The following LYNX1 variants were observed in gnomAD, a reference collection of about 807,000 sequenced individuals.
LYNX1 encodes ly-6/neurotoxin-like protein 1.
A neutral mutation model predicts 8.3 loss-of-function variants in LYNX1; 8 were observed. The observed-to-expected ratio is 0.97, with a 90% CI of 0.57 to 1.74. The LOEUF is 1.74. Among genes scored for constraint, LYNX1 ranks in the 40% most tolerant of loss-of-function variants. LYNX1 has a pLI of 0.00. For missense variants in LYNX1, 158 were observed against 159.7 expected (o/e 0.99, Z 0.06); for synonymous variants, 73 against 67.9 (o/e 1.08, Z -0.37).
rs934639234 is a variant in LYNX1, at chr8:142,773,907, C to T, written c.*1260G>A. On this transcript the variant is annotated 3_prime_UTR_variant, in exon 4 of 4. Transcript: ENST00000652477. ...ACCGCTGGCACCAAAAGGTCTCACGCCCCCGAATGCCCCATTCACAGCAGG... is the reference window on the plus strand; with the variant it reads ...ACCGCTGGCACCAAAAGGTCTCACGTCCCCGAATGCCCCATTCACAGCAGG... 18 of 985,306 alleles carry T rather than the reference C, an allele frequency of 1.8e-5. No homozygotes were observed. In the East Asian group the frequency reaches 3.4e-4, roughly 19 times the overall value. 61.0% of individuals were successfully genotyped at this position (985,306 alleles called of 1,614,324 possible). A position where few individuals can be genotyped will look rare whatever the true frequency, so the allele number is the denominator to read the frequency against.
At chr8:142,776,294 A>G (rs900441066) in intron 1 of LYNX1, 173 bp from the exon 2 acceptor site, 23 of 363,082 alleles carry the variant, frequency 6.3e-5, no homozygotes, top group Non-Finnish European at 1.6e-5. Context: ...AGATCAGGAC[A>G]TTTCAATCAG....
chr8:142,774,339 G>GA lies in LYNX1; in HGVS notation c.*827dup. The GA allele has an allele frequency of 1.0e-6, 1 of 985,968 alleles. No individual in the cohort carries two copies. Among genetic ancestry groups the GA allele is most frequent in the Non-Finnish European group, 1.2e-6 (1 of 830,332 alleles). 61.1% of individuals were successfully genotyped at this position (985,968 alleles called of 1,614,324 possible). A position where few individuals can be genotyped will look rare whatever the true frequency, so the allele number is the denominator to read the frequency against. On this transcript the variant is annotated 3_prime_UTR_variant, in exon 4 of 4. Transcript: ENST00000652477. Reference sequence around the variant, plus strand: ...TGTGGTTGGGGACCAGGACTCGGGGGACCACCTGCTCTGCCCCTTTCCCTC... The same window carrying GA: ...TGTGGTTGGGGACCAGGACTCGGGGGAACCACCTGCTCTGCCCCTTTCCCTC...
At position 142,771,210 on chromosome 8, in the gene LYNX1, T is replaced by C. The variant is rs587768691; in HGVS notation, c.*3957A>G. ...GAGAGAAGCGCAGACAATGCGAATC[T>C]GTTGATTTATTTACGGCTCGGTGAG... is the stretch of plus-strand genomic sequence containing the variant. On this transcript the variant is annotated 3_prime_UTR_variant, in exon 4 of 4. Transcript: ENST00000652477. 3 of 985,450 alleles carry C rather than the reference T, an allele frequency of 3.0e-6. No homozygotes were observed. The highest frequency in any genetic ancestry group is 4.7e-5 in the South Asian group (1 of 21,286). The allele number at this position is 985,450 out of a possible 1,614,324, so 61.0% of individuals were successfully genotyped here.
In LYNX1 at chr8:142,771,473, G is replaced by A. The variant is rs139780118; in HGVS notation, c.*3694C>T. The A allele has an allele frequency of 1.8e-3, 1,763 of 985,350 alleles. 1 individual carries two copies. Among genetic ancestry groups the A allele is most frequent in the Non-Finnish European group, 1.9e-3 (1,566 of 829,938 alleles). The allele number at this position is 985,350 out of a possible 1,614,324, so 61.0% of individuals were successfully genotyped here. A position where few individuals can be genotyped will look rare whatever the true frequency, so the allele number is the denominator to read the frequency against. ...CGGAAGCTGGCAGGGCTGTCCACAG[G>A]GAGGACCCCCGTGTGTCTCTCGGGC... On this transcript the variant is annotated 3_prime_UTR_variant, in exon 4 of 4. Transcript: ENST00000652477.
Position 142,774,145 on chromosome 8 carries a change from G to GCCCGGGCCCCCCC in LYNX1, c.*1021_*1022insGGGGGGGCCCGGG. 19 of 981,832 alleles carry GCCCGGGCCCCCCC rather than the reference G, an allele frequency of 1.9e-5. No individual in the cohort carries two copies. Among genetic ancestry groups the GCCCGGGCCCCCCC allele is most frequent in the Non-Finnish European group, 2.3e-5 (19 of 827,970 alleles). 60.8% of individuals were successfully genotyped at this position (981,832 alleles called of 1,614,324 possible). A position where few individuals can be genotyped will look rare whatever the true frequency, so the allele number is the denominator to read the frequency against. ...GCTGCGGGGGAGGGGCTGGGTCTCC[G>GCCCGGGCCCCCCC]CCCTCCCCACCCCACCCTCCCCACT... is the stretch of plus-strand genomic sequence containing the variant. On this transcript the variant is annotated 3_prime_UTR_variant, in exon 4 of 4. Coordinates refer to ENST00000652477, the MANE Select transcript of LYNX1 (RefSeq NM_177477.4).
In LYNX1 at chr8:142,775,069, C is replaced by G; in HGVS notation, c.*98G>C. On this transcript the variant is annotated 3_prime_UTR_variant, in exon 4 of 4. Transcript: ENST00000652477. Reference sequence around the variant, plus strand: ...TGACCCTGGGCATGGCTGAGGAGGTCGCAGGGAGTGTGGAGGGTGAGGCAG... The same window carrying G: ...TGACCCTGGGCATGGCTGAGGAGGTGGCAGGGAGTGTGGAGGGTGAGGCAG... 9 of 1,493,812 alleles carry G rather than the reference C, an allele frequency of 6.0e-6. No homozygotes were observed. The highest frequency in any genetic ancestry group is 8.0e-6 in the Non-Finnish European group (9 of 1,123,550). 92.5% of individuals were successfully genotyped at this position (1,493,812 alleles called of 1,614,324 possible). A position where few individuals can be genotyped will look rare whatever the true frequency, so the allele number is the denominator to read the frequency against.
rs1815221695 is a variant in LYNX1, at chr8:142,772,436, C to G, written c.*2731G>C. ...CCTTTTAAGCTTTCCATTTTGTAAA[C>G]TCACCTCCCCCTTCCCAGGCTTGGG... On this transcript the variant is annotated 3_prime_UTR_variant, in exon 4 of 4. Transcript: ENST00000652477. 1.0e-6 allele frequency: 1 copy of G among 985,398 alleles called. No homozygotes were observed. Among genetic ancestry groups the G allele is most frequent in the African/African-American group, 1.7e-5 (1 of 57,250 alleles). The allele number at this position is 985,398 out of a possible 1,614,324, so 61.0% of individuals were successfully genotyped here.
chr8:142,772,685 T>C lies in LYNX1; in HGVS notation c.*2482A>G. The stretch of plus-strand genomic sequence containing the variant: ...CCACGTCCATCGCCACCTTGATGCA[T>C]ACAACCCGGACAAGTTTACTGCTGT... On this transcript the variant is annotated 3_prime_UTR_variant, in exon 4 of 4. Coordinates refer to ENST00000652477, the MANE Select transcript of LYNX1 (RefSeq NM_177477.4). The C allele has an allele frequency of 1.0e-6, 1 of 985,636 alleles. No homozygotes were observed. The highest frequency in any genetic ancestry group is 1.2e-6 in the Non-Finnish European group (1 of 830,078). The allele number at this position is 985,636 out of a possible 1,614,324, so 61.1% of individuals were successfully genotyped here.
Position 142,771,582 on chromosome 8 carries a change from C to T in LYNX1, c.*3585G>A. On this transcript the variant is annotated 3_prime_UTR_variant, in exon 4 of 4. Transcript: ENST00000652477. ...CCAGAGGGAAGGAGATCCTGAGGGG[C>T]TGGCAGATTCAGGCCCTCCCTGCGA... is the stretch of plus-strand genomic sequence containing the variant. 1 of 985,604 alleles carries T rather than the reference C, an allele frequency of 1.0e-6. No homozygotes were observed. The highest frequency in any genetic ancestry group is 1.2e-6 in the Non-Finnish European group (1 of 829,972). The allele number at this position is 985,604 out of a possible 1,614,324, so 61.1% of individuals were successfully genotyped here.
chr8:142,777,450 G>A (rs1360055174), upstream of LYNX1: 6 of 96,898 alleles, frequency 6.2e-5, no homozygotes, highest in Non-Finnish European at 9.8e-5. Context: ...CTGGGCACCC[G>A]CCGAGCCGAG....
rs1815221338 is a variant in LYNX1, at chr8:142,772,417, A to C, written c.*2750T>G. 1.0e-6 allele frequency: 1 copy of C among 985,272 alleles called. No individual in the cohort carries two copies. The highest frequency in any genetic ancestry group is 1.2e-6 in the Non-Finnish European group (1 of 829,966). 61.0% of individuals were successfully genotyped at this position (985,272 alleles called of 1,614,324 possible). On this transcript the variant is annotated 3_prime_UTR_variant, in exon 4 of 4. Coordinates refer to ENST00000652477, the MANE Select transcript of LYNX1 (RefSeq NM_177477.4). ...CCTCTGGTTCCACTTTTCTCCTTTT[A>C]AGCTTTCCATTTTGTAAACTCACCT... is the stretch of plus-strand genomic sequence containing the variant.
Position 142,772,860 on chromosome 8 carries a change from G to A in LYNX1, c.*2307C>T. 1 of 985,992 alleles carries A rather than the reference G, an allele frequency of 1.0e-6. No individual in the cohort carries two copies. Among genetic ancestry groups the A allele is most frequent in the Non-Finnish European group, 1.2e-6 (1 of 830,324 alleles). The allele number at this position is 985,992 out of a possible 1,614,324, so 61.1% of individuals were successfully genotyped here. Reference sequence around the variant, plus strand: ...CCAGCCAGGCAGAACCATGTGTGGGGCTGGGACAGGTCAGGGTGGTGGAAA... The same window carrying A: ...CCAGCCAGGCAGAACCATGTGTGGGACTGGGACAGGTCAGGGTGGTGGAAA... On this transcript the variant is annotated 3_prime_UTR_variant, in exon 4 of 4. Coordinates refer to ENST00000652477, the MANE Select transcript of LYNX1 (RefSeq NM_177477.4).
intron 2 of LYNX1, 32 bp downstream of exon 2, chr8:142,775,874 C>G (rs770095869): frequency 1.2e-6 from 2 of 1,613,830 alleles, no homozygotes; most frequent in Non-Finnish European, 1.7e-6. Flanking sequence ...CAAAGTGGGT[C>G]TGCCCATCCC....
At position 142,774,871 on chromosome 8, in the gene LYNX1, T is replaced by G; in HGVS notation, c.*296A>C. Reference sequence around the variant, plus strand: ...TTGGCCACAGCTCCCATCTGCTCAGTGCTCCCTGCCTGACTGGGCCCCTCC... The same window carrying G: ...TTGGCCACAGCTCCCATCTGCTCAGGGCTCCCTGCCTGACTGGGCCCCTCC... On this transcript the variant is annotated 3_prime_UTR_variant, in exon 4 of 4. Transcript: ENST00000652477. 7.6e-7 allele frequency: 1 copy of G among 1,311,430 alleles called. No individual in the cohort carries two copies. The highest frequency in any genetic ancestry group is 9.7e-7 in the Non-Finnish European group (1 of 1,027,114). The allele number at this position is 1,311,430 out of a possible 1,614,324, so 81.2% of individuals were successfully genotyped here.
chr8:142,774,237 C>A lies in LYNX1; in HGVS notation c.*930G>T, dbSNP rs1019667995. On this transcript the variant is annotated 3_prime_UTR_variant, in exon 4 of 4. Coordinates refer to ENST00000652477, the MANE Select transcript of LYNX1 (RefSeq NM_177477.4). ...TCCCACGCCCAGGCCCGCGCCGGCC[C>A]CAGGCTGCTCCCAACCCCCAGCCTG... 2 of 985,012 alleles carry A rather than the reference C, an allele frequency of 2.0e-6. No homozygotes were observed. Among genetic ancestry groups the A allele is most frequent in the African/African-American group, 3.5e-5 (2 of 57,096 alleles). 61.0% of individuals were successfully genotyped at this position (985,012 alleles called of 1,614,324 possible). A position where few individuals can be genotyped will look rare whatever the true frequency, so the allele number is the denominator to read the frequency against.
At position 142,771,549 on chromosome 8, in the gene LYNX1, G is replaced by A. The variant is rs1815177640; in HGVS notation, c.*3618C>T. 3 of 985,474 alleles carry A rather than the reference G, an allele frequency of 3.0e-6. No homozygotes were observed. The highest frequency in any genetic ancestry group is 5.2e-4 in the Middle Eastern group (1 of 1,914). The allele number at this position is 985,474 out of a possible 1,614,324, so 61.0% of individuals were successfully genotyped here. ...CTGTCTGGGAGGCTCCTTAAGGCTG[G>A]GGAGGGCCCAGAGGGAAGGAGATCC... On this transcript the variant is annotated 3_prime_UTR_variant, in exon 4 of 4. Coordinates refer to ENST00000652477, the MANE Select transcript of LYNX1 (RefSeq NM_177477.4).
In LYNX1 at chr8:142,772,731, T is replaced by C; in HGVS notation, c.*2436A>G. The C allele has an allele frequency of 1.0e-6, 1 of 985,574 alleles. No individual in the cohort carries two copies. The highest frequency in any genetic ancestry group is 1.7e-5 in the African/African-American group (1 of 57,370). 61.1% of individuals were successfully genotyped at this position (985,574 alleles called of 1,614,324 possible). A position where few individuals can be genotyped will look rare whatever the true frequency, so the allele number is the denominator to read the frequency against. ...GCTGTGATTTCTGCCGGCGCTGCTG[T>C]GCCGGTTCCCTGGTGCTGCACAGCC... On this transcript the variant is annotated 3_prime_UTR_variant, in exon 4 of 4. Transcript: ENST00000652477.
In LYNX1 at chr8:142,774,754, C is replaced by T; in HGVS notation, c.*413G>A. On this transcript the variant is annotated 3_prime_UTR_variant, in exon 4 of 4. Coordinates refer to ENST00000652477, the MANE Select transcript of LYNX1 (RefSeq NM_177477.4). The stretch of plus-strand genomic sequence containing the variant: ...CCTCCTAAGAGTCTCCCCACCACCC[C>T]ACCTGCGGGCATTCCTTGTCTTCCC... 3.8e-6 allele frequency: 4 copies of T among 1,046,166 alleles called. No individual in the cohort carries two copies. Among genetic ancestry groups the T allele is most frequent in the Non-Finnish European group, 4.6e-6 (4 of 868,284 alleles). 64.8% of individuals were successfully genotyped at this position (1,046,166 alleles called of 1,614,324 possible).
At position 142,772,054 on chromosome 8, in the gene LYNX1, C is replaced by T. The variant is rs1563836756; in HGVS notation, c.*3113G>A. On this transcript the variant is annotated 3_prime_UTR_variant, in exon 4 of 4. Transcript: ENST00000652477. Reference sequence around the variant, plus strand: ...CCAAGCAGCCACTCCTGTCCAGTTCCCAGAATGTATAACATCCCAGGGTGC... The same window carrying T: ...CCAAGCAGCCACTCCTGTCCAGTTCTCAGAATGTATAACATCCCAGGGTGC... 1 of 986,406 alleles carries T rather than the reference C, an allele frequency of 1.0e-6. No individual in the cohort carries two copies. Among genetic ancestry groups the T allele is most frequent in the South Asian group, 4.7e-5 (1 of 21,348 alleles). The allele number at this position is 986,406 out of a possible 1,614,324, so 61.1% of individuals were successfully genotyped here. A position where few individuals can be genotyped will look rare whatever the true frequency, so the allele number is the denominator to read the frequency against.
Sources: gnomAD v4.1 joint callset for allele counts on GRCh38, gnomAD v4.1.1 for gene constraint, MANE v1.5 for transcripts, NCBI Gene and HGNC (gene_info 2026-07-23, HGNC 2026-07-21) for gene names.